NUDT18: variants seen among roughly 807,000 people sequenced by gnomAD.
NUDT18 encodes 8-oxo-dGDP phosphatase NUDT18.
In NUDT18, 26 loss-of-function variants were observed where a neutral mutation model predicts 27.6. The ratio of observed to expected loss-of-function variants is 0.94; its 90% CI spans 0.69 to 1.31. NUDT18 has a LOEUF of 1.31. NUDT18 is among the 50% of genes most tolerant of loss of function. NUDT18 has a pLI of 0.00. For missense variants in NUDT18, 450 were observed against 433.4 expected (o/e 1.04, Z -0.34); for synonymous variants, 220 against 196.9 (o/e 1.12, Z -0.98).
Position 22,107,150 on chromosome 8 carries a change from C to G in NUDT18, c.*150G>C, listed in dbSNP as rs747545171. On this transcript the variant is annotated 3_prime_UTR_variant, in exon 3 of 3. Transcript: ENST00000611621. ...TTGTGCAATCTAGAGGAATGCTCCTCAAAGCATCTCTCCTGGGGACCAGGA... is the reference window on the plus strand; with the variant it reads ...TTGTGCAATCTAGAGGAATGCTCCTGAAAGCATCTCTCCTGGGGACCAGGA... 8.0e-6 allele frequency: 5 copies of G among 624,418 alleles called. No individual in the cohort carries two copies. The highest frequency in any genetic ancestry group is 1.4e-5 in the Non-Finnish European group (5 of 357,430). 38.7% of individuals were successfully genotyped at this position (624,418 alleles called of 1,614,324 possible).
Position 22,107,249 on chromosome 8 carries a change from C to T in NUDT18, c.*51G>A, listed in dbSNP as rs1826379722. ...TGCCTCCCTCAGAGGGAGACAAGTCCGCACTGGAGGGAGCACGGCTGCCTA... is the reference window on the plus strand; with the variant it reads ...TGCCTCCCTCAGAGGGAGACAAGTCTGCACTGGAGGGAGCACGGCTGCCTA... On this transcript the variant is annotated 3_prime_UTR_variant, in exon 3 of 3. Transcript: ENST00000611621. The T allele has an allele frequency of 7.2e-6, 10 of 1,398,232 alleles. No homozygotes were observed. Among genetic ancestry groups the T allele is most frequent in the South Asian group, 2.8e-5 (2 of 71,434 alleles). 86.6% of individuals were successfully genotyped at this position (1,398,232 alleles called of 1,614,324 possible). A position where few individuals can be genotyped will look rare whatever the true frequency, so the allele number is the denominator to read the frequency against.
At position 22,109,395 on chromosome 8, in the gene NUDT18, C is replaced by CGGAGCCCGCTCCCAGTCCCTGT; in HGVS notation, c.-96_-95insACAGGGACTGGGAGCGGGCTCC. On this transcript the variant is annotated 5_prime_UTR_variant, in exon 1 of 3. Coordinates refer to ENST00000611621, the MANE Select transcript of NUDT18 (RefSeq NM_024815.4). ...CTGCGGAGCCCGCTCCCAGTCCCTG[C>CGGAGCCCGCTCCCAGTCCCTGT]GGCAGCGGGCCGGGAGCTCACGAGA... 2.5e-6 allele frequency: 3 copies of CGGAGCCCGCTCCCAGTCCCTGT among 1,200,580 alleles called. No homozygotes were observed. Among genetic ancestry groups the CGGAGCCCGCTCCCAGTCCCTGT allele is most frequent in the Non-Finnish European group, 3.2e-6 (3 of 929,814 alleles). The allele number at this position is 1,200,580 out of a possible 1,614,324, so 74.4% of individuals were successfully genotyped here.
chr8:22,109,416 C>A lies in NUDT18; in HGVS notation c.-116G>T. On this transcript the variant is annotated 5_prime_UTR_variant, in exon 1 of 3. Transcript: ENST00000611621. Reference sequence around the variant, plus strand: ...CCTGCGGCAGCGGGCCGGGAGCTCACGAGAACGCGGAAGCGCACGCGAACG... The same window carrying A: ...CCTGCGGCAGCGGGCCGGGAGCTCAAGAGAACGCGGAAGCGCACGCGAACG... 1 of 367,324 alleles carries A rather than the reference C, an allele frequency of 2.7e-6. No homozygotes were observed. The highest frequency in any genetic ancestry group is 7.0e-5 in the Admixed American group (1 of 14,204). 22.8% of individuals were successfully genotyped at this position (367,324 alleles called of 1,614,324 possible).
chr8:22,108,080 T>A, intron 2 of NUDT18, 53 bp downstream of exon 2: 1 of 1,438,954 alleles, frequency 6.9e-7, no homozygotes. Context: ...ACCGAGGAGC[T>A]GGGGGAAAGG....
chr8:22,107,462 C>G lies in NUDT18; in HGVS notation c.810G>C (p.Leu270Phe). ...LGRDHSDGIC[L>F]NVLVTVAFRS... ...GAAAAGCCACGGTCACCAGCACATT[C>G]AAACAGATGCCATCACTGTGATCTC... The change falls in exon 3 of 3, where the codon TTG becomes TTC. Residue 270 changes from leucine (L) to phenylalanine (F), a missense_variant. By Grantham distance (22) the Leu-to-Phe change is conservative. Transcript: ENST00000611621. 1 of 1,613,336 alleles carries G rather than the reference C, an allele frequency of 6.2e-7. No individual in the cohort carries two copies. The highest frequency in any genetic ancestry group is 8.5e-7 in the Non-Finnish European group (1 of 1,179,872).
In NUDT18 at chr8:22,107,783, A is replaced by G. The variant is rs778092468; in HGVS notation, c.489T>C (p.Val163=). 6.2e-7 allele frequency: 1 copy of G among 1,613,538 alleles called. No individual in the cohort carries two copies. The highest frequency in any genetic ancestry group is 8.5e-7 in the Non-Finnish European group (1 of 1,179,852). The change falls in exon 3 of 3, where the codon GTT becomes GTC. Residue 163 remains valine (V), a synonymous_variant. Coordinates refer to ENST00000611621, the MANE Select transcript of NUDT18 (RefSeq NM_024815.4). ...PLRAHDILHL[V]ELAAQYRQQA... The stretch of plus-strand genomic sequence containing the variant: ...GCTGGCGATACTGGGCGGCTAGTTC[A>G]ACCAGGTGCAGGATGTCATGGGCTC...
intron 2 of NUDT18, 77 bp from the exon 3 acceptor site, chr8:22,107,972 C>A (rs1563610029): frequency 7.2e-7 from 1 of 1,392,770 alleles, no homozygotes; most frequent in Non-Finnish European, 9.6e-7. Flanking sequence ...CAACAGACAT[C>A]CCTGACCCAG....
chr8:22,109,757 A>G (rs1056416892), upstream of NUDT18: 9 of 455,734 alleles, frequency 2.0e-5, no homozygotes, highest in Admixed American at 1.2e-4. Context: ...TGACGCGACA[A>G]TCCGGTGACG....
intron 2 of NUDT18, 96 bp downstream of exon 2, chr8:22,108,037 C>T: frequency 1.4e-6 from 2 of 1,380,076 alleles, no homozygotes; most frequent in Non-Finnish European, 9.6e-7. Flanking sequence ...CTGTGCCAGC[C>T]ATAACAGGAC....
Position 22,109,341 on chromosome 8 carries a change from G to A in NUDT18, c.-41C>T. ...GCGGCGGGCCGGATCCTCGCAGACC[G>A]ACTGAGCCGAGCCGCGGGCTAGAGT... On this transcript the variant is annotated 5_prime_UTR_variant, in exon 1 of 3. Coordinates refer to ENST00000611621, the MANE Select transcript of NUDT18 (RefSeq NM_024815.4). 1 of 1,324,834 alleles carries A rather than the reference G, an allele frequency of 7.5e-7. No individual in the cohort carries two copies. Among genetic ancestry groups the A allele is most frequent in the Non-Finnish European group, 9.6e-7 (1 of 1,045,500 alleles). The allele number at this position is 1,324,834 out of a possible 1,614,324, so 82.1% of individuals were successfully genotyped here.
intron 1 of NUDT18, among the ~76,000 whole-genome samples, chr8:22,108,859 A>T (rs1394774280): frequency 6.6e-6 from 1 of 152,168 alleles, no homozygotes; most frequent in Non-Finnish European, 1.5e-5. Flanking sequence ...GCCGGGATTG[A>T]GCCACTGCTA....
chr8:22,109,166 C>T lies in NUDT18; in HGVS notation c.135G>A (p.Val45=), dbSNP rs938578280. 86 of 1,453,450 alleles carry T rather than the reference C, an allele frequency of 5.9e-5. No homozygotes were observed. Among genetic ancestry groups the T allele is most frequent in the Non-Finnish European group, 6.9e-5 (77 of 1,113,742 alleles). The allele number at this position is 1,453,450 out of a possible 1,614,324, so 90.0% of individuals were successfully genotyped here. A position where few individuals can be genotyped will look rare whatever the true frequency, so the allele number is the denominator to read the frequency against. ...GCTCGCTGAGGAACACGGCCAGCAC[C>T]ACGTAGCACACGTTCTTCCGCAGCC... ...PVRLRKNVCY[V]VLAVFLSEQD... The change falls in exon 1 of 3, where the codon GTG becomes GTA. Residue 45 remains valine (V), a synonymous_variant. Coordinates refer to ENST00000611621, the MANE Select transcript of NUDT18 (RefSeq NM_024815.4).
In NUDT18 at chr8:22,106,911, T is replaced by C; in HGVS notation, c.*389A>G. 1 of 177,430 alleles carries C rather than the reference T, an allele frequency of 5.6e-6. No homozygotes were observed. 11.0% of individuals were successfully genotyped at this position (177,430 alleles called of 1,614,324 possible). A position where few individuals can be genotyped will look rare whatever the true frequency, so the allele number is the denominator to read the frequency against. On this transcript the variant is annotated 3_prime_UTR_variant, in exon 3 of 3. Coordinates refer to ENST00000611621, the MANE Select transcript of NUDT18 (RefSeq NM_024815.4). ...ACCTCTTTACTCAGCAACGTGCTCCTCCCTCGGGGGACCTTCCCCAGTGCC... is the reference window on the plus strand; with the variant it reads ...ACCTCTTTACTCAGCAACGTGCTCCCCCCTCGGGGGACCTTCCCCAGTGCC...
rs747611663 is a variant in NUDT18 at position 22,108,115 on chromosome 8, C to T, written c.376+18G>A. ...GTGTCAACTGGCCCTGTTCACACTGCCTCCAGGTGGGCCATACCTGTGGGG... is the reference window on the plus strand; with the variant it reads ...GTGTCAACTGGCCCTGTTCACACTGTCTCCAGGTGGGCCATACCTGTGGGG... On this transcript the variant is annotated intron_variant, in intron 2 of 2. Transcript: ENST00000611621. 15 of 1,486,976 alleles carry T rather than the reference C, an allele frequency of 1.0e-5. No homozygotes were observed. The Admixed American group carries it at 3.5e-4, about 35-fold the overall frequency. The allele number at this position is 1,486,976 out of a possible 1,614,324, so 92.1% of individuals were successfully genotyped here.
At position 22,107,496 on chromosome 8, in the gene NUDT18, T is replaced by C. The variant is rs905830010; in HGVS notation, c.776A>G (p.His259Arg). The change falls in exon 3 of 3, where the codon CAC becomes CGC. Residue 259 changes from histidine (H) to arginine (R), a missense_variant. By Grantham distance (29) the His-to-Arg change is conservative. Transcript: ENST00000611621. ...GCCATCACTGTGATCTCGGCCCAGGTGCTGCAGTCCAAGCAACCCCTTGAT... is the reference window on the plus strand; with the variant it reads ...GCCATCACTGTGATCTCGGCCCAGGCGCTGCAGTCCAAGCAACCCCTTGAT... ...VEIKGLLGLQ[H>R]LGRDHSDGIC... 2 of 1,612,990 alleles carry C rather than the reference T, an allele frequency of 1.2e-6. No individual in the cohort carries two copies. Among genetic ancestry groups the C allele is most frequent in the Non-Finnish European group, 8.5e-7 (1 of 1,179,862 alleles).
At position 22,107,804 on chromosome 8, in the gene NUDT18, G is replaced by A. The variant is rs768056747; in HGVS notation, c.468C>T (p.Ala156=). The A allele has an allele frequency of 8.7e-6, 14 of 1,613,204 alleles. No homozygotes were observed. Among genetic ancestry groups the A allele is most frequent in the African/African-American group, 1.3e-5 (1 of 74,922 alleles). Residue 156 remains alanine (A), a synonymous_variant, in exon 3 of 3, where the codon GCC becomes GCT. Coordinates refer to ENST00000611621, the MANE Select transcript of NUDT18 (RefSeq NM_024815.4). ...GTTCAACCAGGTGCAGGATGTCATG[G>A]GCTCGCAGCGGAGTGGGCAGGGAGG... ...PRTSLPTPLR[A]HDILHLVELA... is the part of the protein sequence containing the mutation.
chr8:22,109,078 G>A (rs1453558598), intron 1 of NUDT18, 61 bp downstream of exon 1: 3 of 1,292,260 alleles, frequency 2.3e-6, no homozygotes, highest in South Asian at 1.9e-5. Context: ...TGGGTCTTCT[G>A]TCCCCACCTG....
upstream of NUDT18, chr8:22,109,513 C>T (rs1826433784): frequency 8.7e-6 from 4 of 461,834 alleles, no homozygotes; most frequent in South Asian, 1.2e-4. Context: ...GGCCGGCCCG[C>T]GGCATTCACC....
intron 1 of NUDT18, among the ~76,000 whole-genome samples, chr8:22,108,583 C>A (rs1826409436): frequency 6.6e-6 from 1 of 152,268 alleles, no homozygotes; most frequent in Non-Finnish European, 1.5e-5. Flanking sequence ...TTCCTGGAAG[C>A]CGCTTCAGGG....
Sources: gnomAD v4.1 joint callset for allele counts (sites outside exome capture counted in the v4.1 genomes callset) on GRCh38, gnomAD v4.1.1 for gene constraint, MANE v1.5 for transcripts, NCBI Gene and HGNC (gene_info 2026-07-23, HGNC 2026-07-21) for gene names.